The following ZNF559 variants were observed in gnomAD, a reference collection of about 807,000 sequenced individuals.
ZNF559 encodes zinc finger protein 559, also known as putative protein product of Nbla00121.
Under a neutral mutation model 14.2 loss-of-function variants are expected in ZNF559, and 17 were observed. That is an observed-to-expected ratio of 1.20 (90% confidence interval 0.82 to 1.80). The LOEUF (loss-of-function observed/expected upper bound fraction) is 1.80, where lower values mean the gene tolerates loss of function less well. Among genes scored for constraint, ZNF559 ranks in the 40% most tolerant of loss-of-function variants. The pLI is 0.00. For missense variants in ZNF559, 740 were observed against 629.7 expected (o/e 1.18, Z -1.88); for synonymous variants, 244 against 212.4 (o/e 1.15, Z -1.29).
At chr19:9,325,447 G>GA (rs112817574) in intron 2 of ZNF559, among the ~76,000 whole-genome samples, 3,218 of 149,674 alleles carry the variant, frequency 0.022, 111 homozygotes, top group African/African-American at 0.073. Context: ...GTTTCAAAAA[G>GA]AAGAAAAAAA....
chr19:9,325,131 C>T (rs2066508674), intron 2 of ZNF559, among the ~76,000 whole-genome samples: 1 of 152,130 alleles, frequency 6.6e-6, no homozygotes. Context: ...GGTGGGTTTT[C>T]TACCAGTTAC....
intron 2 of ZNF559, among the ~76,000 whole-genome samples, chr19:9,335,320 C>T (rs1424073107): frequency 4.6e-5 from 7 of 151,802 alleles, no homozygotes; most frequent in African/African-American, 1.2e-4. Context: ...TTTAATTGGC[C>T]GGGTGTGGTG....
At position 9,339,283 on chromosome 19, in the gene ZNF559, G is replaced by A. The variant is rs2067409878; in HGVS notation, c.124G>A (p.Val42Met). 6.2e-7 allele frequency: 1 copy of A among 1,613,892 alleles called. No homozygotes were observed. The part of the protein sequence containing the change: ...DQTQRNLYRD[V>M]MLENYKNLVA... ...AACTCAGAGAAACTTATACAGAGATGTGATGCTGGAGAACTATAAGAATCT... is the reference window on the plus strand; with the variant it reads ...AACTCAGAGAAACTTATACAGAGATATGATGCTGGAGAACTATAAGAATCT... The change falls in exon 5 of 7, where the codon GTG becomes ATG. Residue 42 changes from valine to methionine, a missense_variant. Val to Met is a conservative substitution (Grantham distance 21). Transcript: ENST00000603380.
In ZNF559 at chr19:9,342,614, A is replaced by G; in HGVS notation, c.1163A>G (p.Lys388Arg). 1 of 1,614,146 alleles carries G rather than the reference A, an allele frequency of 6.2e-7. No individual in the cohort carries two copies. Among genetic ancestry groups the G allele is most frequent in the Non-Finnish European group, 8.5e-7 (1 of 1,180,020 alleles). The part of the protein sequence containing the change: ...EKPYQCKECG[K>R]AFINSSSFKS... ...CCTTATCAATGTAAGGAATGTGGAA[A>G]AGCCTTTATTAATTCCTCTTCCTTT... is the stretch of plus-strand genomic sequence containing the variant. Residue 388 changes from lysine (K) to arginine (R), a missense_variant, in exon 7 of 7, where the codon AAA becomes AGA. Coordinates refer to ENST00000603380, the MANE Select transcript of ZNF559 (RefSeq NM_032497.3).
chr19:9,339,202 A>G lies in ZNF559; in HGVS notation c.43A>G (p.Thr15Ala). The G allele has an allele frequency of 6.2e-7, 1 of 1,613,854 alleles. No homozygotes were observed. The highest frequency in any genetic ancestry group is 8.5e-7 in the Non-Finnish European group (1 of 1,179,850). Residue 15 changes from threonine (T) to alanine (A), a missense_variant, in exon 5 of 7, where the codon ACC becomes GCC. Physicochemically the swap from Thr to Ala is moderately conservative, Grantham distance 58. Transcript: ENST00000603380. ...WLTNYSQDSV[T>A]FEDVAVDFTQ... ...GTGTGTGATGGTTTAGGACTCAGTG[A>G]CCTTTGAGGATGTGGCTGTGGACTT...
At chr19:9,339,409 C>A in intron 5 of ZNF559, 90 bp downstream of exon 5, 1 of 1,423,788 alleles carries the variant, frequency 7.0e-7, no homozygotes, top group Non-Finnish European at 9.5e-7. Context: ...TGTTAATGGG[C>A]TGCATTGGTA....
chr19:9,342,244 A>G lies in ZNF559; in HGVS notation c.793A>G (p.Arg265Gly). The G allele has an allele frequency of 6.3e-7, 1 of 1,587,326 alleles. No homozygotes were observed. Among genetic ancestry groups the G allele is most frequent in the Non-Finnish European group, 8.5e-7 (1 of 1,170,868 alleles). Residue 265 changes from arginine (R) to glycine (G), a missense_variant, in exon 7 of 7, where the codon AGA becomes GGA. Physicochemically the swap from Arg to Gly is moderately radical, Grantham distance 125. Coordinates refer to ENST00000603380, the MANE Select transcript of ZNF559 (RefSeq NM_032497.3). ...YLTQHLRTHS[R>G]VLPIEHKKFG... ...TACTCAACATTTAAGAACTCATAGT[A>G]GAGTGTTACCTATAGAACATAAGAA...
Position 9,342,381 on chromosome 19 carries a change from A to G in ZNF559, c.930A>G (p.Ser310=), listed in dbSNP as rs2067623710. Residue 310 remains serine, a synonymous_variant, in exon 7 of 7, where the codon TCA becomes TCG. Coordinates refer to ENST00000603380, the MANE Select transcript of ZNF559 (RefSeq NM_032497.3). ...NECGKEFTCF[S]KLNIHIRVHT... ...GTGGCAAAGAATTTACTTGTTTCTC[A>G]AAACTCAACATTCACATAAGGGTTC... The G allele has an allele frequency of 6.2e-7, 1 of 1,610,710 alleles. No individual in the cohort carries two copies. The highest frequency in any genetic ancestry group is 1.1e-5 in the South Asian group (1 of 90,482).
intron 5 of ZNF559, among the ~76,000 whole-genome samples, chr19:9,340,049 G>A (rs2067473051): frequency 6.7e-6 from 1 of 148,498 alleles, no homozygotes; most frequent in Admixed American, 6.9e-5. Context: ...GCCTCCCAAA[G>A]TGCTCGGATT....
At chr19:9,328,582 C>G (rs1450000690) in intron 2 of ZNF559, among the ~76,000 whole-genome samples, 1 of 151,732 alleles carries the variant, frequency 6.6e-6, no homozygotes, top group African/African-American at 2.4e-5. Context: ...CAACTCCTGA[C>G]CTCAGGTGGT....
chr19:9,343,341 T>C lies in ZNF559; in HGVS notation c.*273T>C. The C allele has an allele frequency of 8.3e-7, 1 of 1,207,658 alleles. No homozygotes were observed. The allele number at this position is 1,207,658 out of a possible 1,614,324, so 74.8% of individuals were successfully genotyped here. A position where few individuals can be genotyped will look rare whatever the true frequency, so the allele number is the denominator to read the frequency against. On this transcript the variant is annotated 3_prime_UTR_variant, in exon 7 of 7. Transcript: ENST00000603380. ...TAGGAAACCTGTCGATGCTTACATC[T>C]TACTGAGTCTGTTTGAACTCATGCT...
rs1036179009 is a variant in ZNF559, at chr19:9,345,651, A to G, written c.*2583A>G. The stretch of plus-strand genomic sequence containing the variant: ...TTTATATTGGCTTTATTTTTTATTT[A>G]TTTTTATTTTTTTTTATATAGAGAC... On this transcript the variant is annotated 3_prime_UTR_variant, in exon 7 of 7. Coordinates refer to ENST00000603380, the MANE Select transcript of ZNF559 (RefSeq NM_032497.3). 1.4e-4 allele frequency: 15 copies of G among 103,626 alleles called. No individual in the cohort carries two copies. The highest frequency in any genetic ancestry group is 3.1e-4 in the Non-Finnish European group (14 of 45,118). 6.4% of individuals were successfully genotyped at this position (103,626 alleles called of 1,614,324 possible).
chr19:9,324,836 T>G, intron 2 of ZNF559, 56 bp downstream of exon 2: 3 of 1,444,184 alleles, frequency 2.1e-6, no homozygotes, highest in Non-Finnish European at 2.8e-6. Flanking sequence ...AAGTTTAAGT[T>G]GTGTCGAGGT....
chr19:9,335,592 G>T (rs2067193793), intron 2 of ZNF559, among the ~76,000 whole-genome samples: 1 of 152,166 alleles, frequency 6.6e-6, no homozygotes, highest in African/African-American at 2.4e-5. Flanking sequence ...CTATCGCCCA[G>T]ACTGGCATGC....
At chr19:9,341,233 T>G in intron 6 of ZNF559, 49 bp downstream of exon 6, 1 of 1,540,226 alleles carries the variant, frequency 6.5e-7, no homozygotes, top group Non-Finnish European at 9.0e-7. Context: ...AGAGGAAGAT[T>G]GGAAATTCCT....
rs369870004 is a variant in ZNF559, at chr19:9,334,236, A to T, written c.-119-3560A>T. Among the ~76,000 whole-genome samples, 28 of 152,358 alleles carry T rather than the reference A, an allele frequency of 1.8e-4. No homozygotes were observed. The East Asian group carries it at 4.4e-3, about 24-fold the overall frequency. On this transcript the variant is annotated intron_variant, in intron 2 of 6. Coordinates refer to ENST00000603380, the MANE Select transcript of ZNF559 (RefSeq NM_032497.3). ...AGTGTCAGAAATACTTGGGACCAGA[A>T]GTCATTTGGATTTCAGATTTCTTCA... is the stretch of plus-strand genomic sequence containing the variant.
At position 9,343,796 on chromosome 19, in the gene ZNF559, T is replaced by C. The variant is rs2067673407; in HGVS notation, c.*728T>C. 1.0e-6 allele frequency: 1 copy of C among 985,428 alleles called. No individual in the cohort carries two copies. The highest frequency in any genetic ancestry group is 1.7e-5 in the African/African-American group (1 of 57,250). 61.0% of individuals were successfully genotyped at this position (985,428 alleles called of 1,614,324 possible). A position where few individuals can be genotyped will look rare whatever the true frequency, so the allele number is the denominator to read the frequency against. ...TCAGAATGCTTTTGGTAAATATACA[T>C]GTTTTAAAGAGGTTATATATCATTA... On this transcript the variant is annotated 3_prime_UTR_variant, in exon 7 of 7. Coordinates refer to ENST00000603380, the MANE Select transcript of ZNF559 (RefSeq NM_032497.3).
At chr19:9,329,746 C>T (rs1433404346) in intron 2 of ZNF559, among the ~76,000 whole-genome samples, 1 of 152,180 alleles carries the variant, frequency 6.6e-6, no homozygotes, top group Non-Finnish European at 1.5e-5. Flanking sequence ...CTACTGCAAC[C>T]TCCACCTCCC....
chr19:9,344,369 C>CA lies in ZNF559; in HGVS notation c.*1302dup, dbSNP rs1168920786. 3.3e-5 allele frequency: 5 copies of CA among 152,118 alleles called. No homozygotes were observed. Among genetic ancestry groups the CA allele is most frequent in the African/African-American group, 1.2e-4 (5 of 41,424 alleles). The allele number at this position is 152,118 out of a possible 1,614,324, so 9.4% of individuals were successfully genotyped here. A position where few individuals can be genotyped will look rare whatever the true frequency, so the allele number is the denominator to read the frequency against. ...CACAAGAAAATTGGTACTGGCCAGG[C>CA]ATGCTGGCTCACACCTTAATTCCAG... On this transcript the variant is annotated 3_prime_UTR_variant, in exon 7 of 7. Coordinates refer to ENST00000603380, the MANE Select transcript of ZNF559 (RefSeq NM_032497.3).
Sources: gnomAD v4.1 joint callset for allele counts (sites outside exome capture counted in the v4.1 genomes callset) on GRCh38, gnomAD v4.1.1 for gene constraint, MANE v1.5 for transcripts, NCBI Gene and HGNC (gene_info 2026-07-23, HGNC 2026-07-21) for gene names.